The following ZNF667 variants were observed in gnomAD, a reference collection of about 807,000 sequenced individuals.
ZNF667 encodes the protein myocardial ischemic preconditioning upregulated 1 ortholog.
Under a neutral mutation model 31.8 loss-of-function variants are expected in ZNF667, and 13 were observed. The observed-to-expected ratio is 0.41, with a 90% confidence interval of 0.27 to 0.65. ZNF667 has a LOEUF of 0.65. Among genes scored for constraint, ZNF667 ranks in the 30% least tolerant of loss-of-function variants. The pLI is 0.32. For missense variants in ZNF667, 642 were observed against 725.6 expected (o/e 0.88, Z 1.32); for synonymous variants, 228 against 247.1 (o/e 0.92, Z 0.73).
At chr19:56,473,770 G>A (rs2043342332) in intron 2 of ZNF667, among the ~76,000 whole-genome samples, 1 of 151,922 alleles carries the variant, frequency 6.6e-6, no homozygotes, top group Non-Finnish European at 1.5e-5. Flanking sequence ...GTATTATAAG[G>A]GCAAAAACAT....
Position 56,458,213 on chromosome 19 carries a change from T to A in ZNF667, c.195A>T (p.Leu65Phe), listed in dbSNP as rs779822475. The change falls in exon 6 of 7, where the codon TTA (leucine) becomes TTT (phenylalanine). Residue 65 changes from leucine (L) to phenylalanine (F), a missense_variant. Transcript: ENST00000504904. ...TCCAGGGTGCTTTCCCTTTCTCCAA[T>A]AAGGTGATCACATTTGGTCTCCGAA... ...LSFRRPNVIT[L>F]LEKGKAPWMV... 2.5e-6 allele frequency: 4 copies of A among 1,614,102 alleles called. No homozygotes were observed. In the Admixed American group the frequency reaches 6.7e-5, roughly 27 times the overall value.
chr19:56,442,324 C>G lies in ZNF667; in HGVS notation c.671G>C (p.Gly224Ala). Residue 224 changes from glycine to alanine, a missense_variant, in exon 7 of 7, where the codon GGA becomes GCA. Coordinates refer to ENST00000504904, the MANE Select transcript of ZNF667 (RefSeq NM_001321356.2). The stretch of plus-strand genomic sequence containing the variant: ...CTTCCCACAGTCAAGAATTTCCTTT[C>G]CATCATGAATTCTCATATGTAGAAT... ...TLILHMRIHD[G>A]KEILDCGKAL... 6.2e-7 allele frequency: 1 copy of G among 1,613,904 alleles called. No homozygotes were observed. The highest frequency in any genetic ancestry group is 1.1e-5 in the South Asian group (1 of 91,070).
chr19:56,477,613 C>T, upstream of ZNF667: 1 of 152,658 alleles, frequency 6.6e-6, no homozygotes, highest in Non-Finnish European at 1.5e-5. Context: ...AGGGGACTGG[C>T]GCCTGGCCCT....
Position 56,462,524 on chromosome 19 carries a change from T to G in ZNF667, c.-59-95A>C, listed in dbSNP as rs1433833892. ...ACACACACAGACACACATGCACACA[T>G]ATGCACGTGCACACACACACACAGA... On this transcript the variant is annotated intron_variant, in intron 3 of 6. Coordinates refer to ENST00000504904, the MANE Select transcript of ZNF667 (RefSeq NM_001321356.2). The G allele has an allele frequency of 9.0e-6, 7 of 779,456 alleles. No individual in the cohort carries two copies. In the Admixed American group the frequency reaches 1.3e-4, roughly 15 times the overall value. 48.3% of individuals were successfully genotyped at this position (779,456 alleles called of 1,614,324 possible).
chr19:56,463,376 G>A (rs903731003), intron 3 of ZNF667, among the ~76,000 whole-genome samples: 1 of 152,046 alleles, frequency 6.6e-6, no homozygotes, highest in East Asian at 1.9e-4. Context: ...TGGTCAGATC[G>A]CCTCCTCAAG....
intron 6 of ZNF667, among the ~76,000 whole-genome samples, chr19:56,452,330 G>A (rs1026521817): frequency 5.3e-5 from 8 of 152,040 alleles, no homozygotes; most frequent in South Asian, 4.1e-4. Flanking sequence ...GATTATAGGC[G>A]TGAGCCACCA....
chr19:56,464,082 A>C (rs909851400), intron 3 of ZNF667, among the ~76,000 whole-genome samples: 1 of 152,172 alleles, frequency 6.6e-6, no homozygotes, highest in Non-Finnish European at 1.5e-5. Context: ...GTGTGTATAA[A>C]ATTTGTATCA....
At chr19:56,444,562 A>G (rs1345835330) in intron 6 of ZNF667, among the ~76,000 whole-genome samples, 5 of 112,962 alleles carry the variant, frequency 4.4e-5, no homozygotes, top group Non-Finnish European at 7.1e-5. Flanking sequence ...CTCCCACCAG[A>G]CCCCACCTCC....
At chr19:56,471,547 C>T (rs930568586) in intron 3 of ZNF667, among the ~76,000 whole-genome samples, 152 bp downstream of exon 3, 2 of 152,156 alleles carry the variant, frequency 1.3e-5, no homozygotes, top group Non-Finnish European at 2.9e-5. Flanking sequence ...GGGCTAATGC[C>T]TATTTCTATG....
chr19:56,440,698 G>A lies in ZNF667; in HGVS notation c.*464C>T. On this transcript the variant is annotated 3_prime_UTR_variant, in exon 7 of 7. Coordinates refer to ENST00000504904, the MANE Select transcript of ZNF667 (RefSeq NM_001321356.2). ...GTTGCCCAGACTGGAGTGCAGTGGT[G>A]CAATCTCTGCTCGGTGCAACCCCCA... The A allele has an allele frequency of 1.5e-6, 1 of 687,342 alleles. No homozygotes were observed. Among genetic ancestry groups the A allele is most frequent in the Non-Finnish European group, 1.8e-6 (1 of 556,518 alleles). The allele number at this position is 687,342 out of a possible 1,614,324, so 42.6% of individuals were successfully genotyped here.
At chr19:56,462,565 C>T (rs578192638) in intron 3 of ZNF667, 136 bp from the exon 4 acceptor site, 9 of 636,942 alleles carry the variant, frequency 1.4e-5, no homozygotes, top group South Asian at 7.4e-5. Context: ...GAACACCTGG[C>T]GCATTCCTGT....
rs1364063519 is a variant in ZNF667, at chr19:56,461,127, G to A, written c.34-312C>T. Among the ~76,000 whole-genome samples the A allele has an allele frequency of 2.6e-5, 4 of 152,190 alleles. No homozygotes were observed. The South Asian group carries it at 8.3e-4, about 32-fold the overall frequency. ...GCTCACTTAGTGCTCATGTGAATCAGTGATAGAGGCACTGTCAGCGGAATC... is the reference window on the plus strand; with the variant it reads ...GCTCACTTAGTGCTCATGTGAATCAATGATAGAGGCACTGTCAGCGGAATC... On this transcript the variant is annotated intron_variant, in intron 4 of 6. Coordinates refer to ENST00000504904, the MANE Select transcript of ZNF667 (RefSeq NM_001321356.2).
chr19:56,444,524 G>A (rs2042685149), intron 6 of ZNF667, among the ~76,000 whole-genome samples: 2 of 147,616 alleles, frequency 1.4e-5, no homozygotes, highest in African/African-American at 2.5e-5. Context: ...GAGATTTGGT[G>A]AGAAATCCAC....
rs538926456 is a variant in ZNF667, at chr19:56,464,797, G to C, written c.-59-2368C>G. Among the ~76,000 whole-genome samples the C allele has an allele frequency of 5.3e-5, 8 of 152,284 alleles. No homozygotes were observed. In the East Asian group the frequency reaches 1.5e-3, roughly 29 times the overall value. On this transcript the variant is annotated intron_variant, in intron 3 of 6. Transcript: ENST00000504904. ...TGTTCACCGCTCTACTCCCAGGGCT[G>C]AGAACCTACCTAGCATAGAGCAGGT...
Position 56,460,911 on chromosome 19 carries a change from G to A in ZNF667, c.34-96C>T, listed in dbSNP as rs1395980731. The A allele has an allele frequency of 1.2e-5, 16 of 1,293,866 alleles. 1 individual carries two copies. The Admixed American group carries it at 4.6e-4, about 38-fold the overall frequency. 80.1% of individuals were successfully genotyped at this position (1,293,866 alleles called of 1,614,324 possible). The stretch of plus-strand genomic sequence containing the variant: ...ACATCTTAAACATGGGAGACACAAG[G>A]TACCAAGAATCATTCAGGAAGCATT... On this transcript the variant is annotated intron_variant, in intron 4 of 6. Coordinates refer to ENST00000504904, the MANE Select transcript of ZNF667 (RefSeq NM_001321356.2).
intron 6 of ZNF667, among the ~76,000 whole-genome samples, chr19:56,447,350 G>A (rs903230138): frequency 2.6e-5 from 4 of 152,102 alleles, no homozygotes; most frequent in Admixed American, 2.0e-4. Context: ...AACAATTCAC[G>A]AGAATAAGTA....
chr19:56,458,350 G>T, intron 5 of ZNF667, 103 bp from the exon 6 acceptor site: 1 of 895,146 alleles, frequency 1.1e-6, no homozygotes, highest in Non-Finnish European at 1.8e-6. Flanking sequence ...AGCATGAAGG[G>T]AGCACAGAGG....
Position 56,457,209 on chromosome 19 carries a change from T to C in ZNF667, c.253+946A>G, listed in dbSNP as rs974624435. Among the ~76,000 whole-genome samples, 5 of 152,102 alleles carry C rather than the reference T, an allele frequency of 3.3e-5. No homozygotes were observed. The South Asian group carries it at 6.2e-4, about 19-fold the overall frequency. Reference sequence around the variant, plus strand: ...CTTGAAAAGTAGCTGAAAAGAACACTTGGAGAAAAGAGTTAAAAAATATTT... The same window carrying C: ...CTTGAAAAGTAGCTGAAAAGAACACCTGGAGAAAAGAGTTAAAAAATATTT... On this transcript the variant is annotated intron_variant, in intron 6 of 6. Transcript: ENST00000504904.
Position 56,442,411 on chromosome 19 carries a change from C to G in ZNF667, c.584G>C (p.Ser195Thr). The part of the protein sequence containing the change: ...SSILLHQRIH[S>T]GKKSHECNKC... ...ATTGCATTCATGGCTTTTCTTTCCACTGTGAATTCTCTGATGAAGTAGGAT... is the reference window on the plus strand; with the variant it reads ...ATTGCATTCATGGCTTTTCTTTCCAGTGTGAATTCTCTGATGAAGTAGGAT... The change falls in exon 7 of 7, where the codon AGT becomes ACT. Residue 195 changes from serine (S) to threonine (T), a missense_variant. Transcript: ENST00000504904. 6.2e-7 allele frequency: 1 copy of G among 1,614,092 alleles called. No individual in the cohort carries two copies. Among genetic ancestry groups the G allele is most frequent in the Non-Finnish European group, 8.5e-7 (1 of 1,180,016 alleles).
Sources: gnomAD v4.1 joint callset for allele counts (sites outside exome capture counted in the v4.1 genomes callset) on GRCh38, gnomAD v4.1.1 for gene constraint, MANE v1.5 for transcripts, NCBI Gene and HGNC (gene_info 2026-07-23, HGNC 2026-07-21) for gene names.